Variants in CKM observed in about 807,000 individuals in gnomAD.
CKM encodes the protein creatine kinase M-type.
A neutral mutation model predicts 35.4 loss-of-function variants in CKM; 28 were observed. That is an observed-to-expected ratio of 0.79 (90% CI 0.59 to 1.08). The LOEUF (loss-of-function observed/expected upper bound fraction) is 1.08, where lower values mean the gene tolerates loss of function less well. CKM is among the 50% of genes least tolerant of loss of function. The probability of loss-of-function intolerance (pLI) is 0.00; values close to 1 mark genes in which losing one functional copy is unlikely to be tolerated. For missense variants in CKM, 484 were observed against 509.8 expected, an observed-to-expected ratio of 0.95 and a Z score of 0.49; for synonymous variants, 215 against 204.4, an observed-to-expected ratio of 1.05 and a Z score of -0.44.
At position 45,317,173 on chromosome 19, in the gene CKM, T is replaced by C. The variant is rs553898341; in HGVS notation, c.348+652A>G. Among the ~76,000 whole-genome samples, 3 of 152,240 alleles carry C rather than the reference T, an allele frequency of 2.0e-5. No homozygotes were observed. In the South Asian group the frequency reaches 6.2e-4, roughly 32 times the overall value. ...CCCAGGCTGGAGTGCAGTGGCATGA[T>C]CTCAGCTCACTGCAGCCTCCATCTC... On this transcript the variant is annotated intron_variant, in intron 3 of 7. Coordinates refer to ENST00000221476, the MANE Select transcript of CKM (RefSeq NM_001824.5).
Position 45,307,866 on chromosome 19 carries a change from G to GTT in CKM, c.778-218_778-217dup, listed in dbSNP as rs34729831. On this transcript the variant is annotated intron_variant, in intron 6 of 7. Coordinates refer to ENST00000221476, the MANE Select transcript of CKM (RefSeq NM_001824.5). ...GGGACTAAGAACGCTTTGAAGGCGG[G>GTT]TTTTTTTTTTTTTTTTTTCCAGAGT... Among the ~76,000 whole-genome samples, 198 of 124,168 alleles carry GTT rather than the reference G, an allele frequency of 1.6e-3. 3 individuals carry two copies. The highest frequency in any genetic ancestry group is 7.2e-3 in the South Asian group (27 of 3,730). 81.5% of individuals were successfully genotyped at this position (124,168 alleles called of 152,430 possible).
At chr19:45,312,387 G>GA (rs111877783) in intron 4 of CKM, among the ~76,000 whole-genome samples, 12,181 of 152,082 alleles carry the variant, frequency 0.08, 607 homozygotes, top group African/African-American at 0.13. Context: ...CCAGGAGTTC[G>GA]AGTCCAGTCT....
At chr19:45,321,078 A>G (rs1488907324) in intron 1 of CKM, among the ~76,000 whole-genome samples, 3 of 131,884 alleles carry the variant, frequency 2.3e-5, no homozygotes, top group African/African-American at 8.3e-5. Context: ...TTTTTTTGGT[A>G]TTTTTAGTAG....
At chr19:45,316,543 C>T (rs1326791640) in intron 3 of CKM, among the ~76,000 whole-genome samples, 1 of 151,554 alleles carries the variant, frequency 6.6e-6, no homozygotes, top group Non-Finnish European at 1.5e-5. Flanking sequence ...CGTGAACTCT[C>T]CTGGCTTCAC....
intron 6 of CKM, 23 bp downstream of exon 6, chr19:45,308,385 CA>C (rs1330311256): frequency 6.2e-7 from 1 of 1,614,036 alleles, no homozygotes; most frequent in Admixed American, 1.7e-5. Context: ...AGTCAGAAGT[CA>C]GCAGCTAAGG....
Position 45,317,917 on chromosome 19 carries a change from T to A in CKM, c.256A>T (p.Lys86Ter), listed in dbSNP as rs766274732. 15 of 1,613,594 alleles carry A rather than the reference T, an allele frequency of 9.3e-6. No homozygotes were observed. In the Admixed American group the frequency reaches 2.0e-4, roughly 22 times the overall value. The change falls in exon 3 of 8, where the codon AAG (lysine) becomes TAG (stop). Residue 86 changes from lysine (K) to a stop codon, truncating the protein, a stop_gained. Coordinates refer to ENST00000221476, the MANE Select transcript of CKM (RefSeq NM_001824.5). LOFTEE classifies it high-confidence loss of function. ...AGDEESYEVF[K>*]ELFDPIISDR... ...GAGATGATGGGGTCAAAGAGTTCCTTGAAAACTTCGTAGGACTCCTCATCA... is the reference window on the plus strand; with the variant it reads ...GAGATGATGGGGTCAAAGAGTTCCTAGAAAACTTCGTAGGACTCCTCATCA...
Position 45,306,675 on chromosome 19 carries a change from G to A in CKM, c.*75C>T, listed in dbSNP as rs1392763313. 5 of 1,507,858 alleles carry A rather than the reference G, an allele frequency of 3.3e-6. No homozygotes were observed. Among genetic ancestry groups the A allele is most frequent in the Non-Finnish European group, 4.6e-6 (5 of 1,088,698 alleles). 93.4% of individuals were successfully genotyped at this position (1,507,858 alleles called of 1,614,324 possible). On this transcript the variant is annotated 3_prime_UTR_variant, in exon 8 of 8. Coordinates refer to ENST00000221476, the MANE Select transcript of CKM (RefSeq NM_001824.5). This position sits in a 1 kb window ranked among gnomAD's most constrained non-coding sequence, Gnocchi z 4.5. ...TGGGACAGGGGGCGGGGCGAGGAGT[G>A]AGGGAGCAGGACTCTGGTGGGCCAG... is the stretch of plus-strand genomic sequence containing the variant.
intron 1 of CKM, 133 bp from the exon 2 acceptor site, chr19:45,319,864 C>A (rs193243693): frequency 4.4e-6 from 3 of 681,172 alleles, no homozygotes; most frequent in Non-Finnish European, 7.5e-6. Flanking sequence ...GATCTCGGCT[C>A]ACTGCAAGCT....
chr19:45,317,688 CCT>C, intron 3 of CKM, 135 bp downstream of exon 3: 1 of 987,210 alleles, frequency 1.0e-6, no homozygotes, highest in Non-Finnish European at 1.6e-6. Flanking sequence ...TCCCAATGTC[CCT>C]CTCTCTTTCC....
At chr19:45,320,604 C>T (rs1166747535) in intron 1 of CKM, among the ~76,000 whole-genome samples, 3 of 152,180 alleles carry the variant, frequency 2.0e-5, no homozygotes, top group Admixed American at 6.5e-5. Flanking sequence ...CTCAATTTCC[C>T]CAGGTGGAAA....
intron 4 of CKM, among the ~76,000 whole-genome samples, chr19:45,312,476 G>A (rs1315136576): frequency 1.3e-5 from 2 of 151,318 alleles, no homozygotes; most frequent in Non-Finnish European, 2.9e-5. Flanking sequence ...AGGCTGGAGC[G>A]CAATGGCGCG....
rs761502043 is a variant in CKM at position 45,319,642 on chromosome 19, G to C, written c.72C>G (p.Ser24Arg). ...YKPEEEYPDL[S>R]KHNNHMAKVL... The stretch of plus-strand genomic sequence containing the variant: ...CCTTGGCCATGTGGTTGTTATGTTT[G>C]CTGAGGTCGGGGTACTCCTCCTCAG... The change falls in exon 2 of 8, where the codon AGC becomes AGG. Residue 24 changes from serine to arginine, a missense_variant. Physicochemically the swap from Ser to Arg is moderately radical, Grantham distance 110 (BLOSUM62 -1). Transcript: ENST00000221476. 12 of 1,614,160 alleles carry C rather than the reference G, an allele frequency of 7.4e-6. No homozygotes were observed. The highest frequency in any genetic ancestry group is 1.0e-5 in the Non-Finnish European group (12 of 1,180,022).
At chr19:45,319,426 G>GCC (rs34906823) in intron 2 of CKM, 95 bp downstream of exon 2, 4,294 of 809,924 alleles carry the variant, frequency 5.3e-3, no homozygotes, top group Middle Eastern at 9.1e-3. Context: ...GAAAACTGAG[G>GCC]CCCCCCCCCC....
chr19:45,319,427 C>T, intron 2 of CKM, 94 bp downstream of exon 2: 2 of 740,490 alleles, frequency 2.7e-6, no homozygotes, highest in African/African-American at 2.2e-5. Flanking sequence ...AAAACTGAGG[C>T]CCCCCCCCCT....
At chr19:45,319,951 G>A (rs1312175245) in intron 1 of CKM, among the ~76,000 whole-genome samples, 3 of 148,760 alleles carry the variant, frequency 2.0e-5, no homozygotes, top group South Asian at 2.2e-4. Context: ...CCACCACGCC[G>A]GCTCATTTTT....
At chr19:45,316,379 G>C (rs1056113385) in intron 3 of CKM, among the ~76,000 whole-genome samples, 8 of 149,600 alleles carry the variant, frequency 5.3e-5, no homozygotes, top group African/African-American at 1.5e-4. Flanking sequence ...GCCCAGGCTG[G>C]TCTCAAACTC....
Position 45,308,389 on chromosome 19 carries a change from A to C in CKM, c.777+20T>G. Reference sequence around the variant, plus strand: ...GTTCAAGGTGGAGTCAGAAGTCAGCAGCTAAGGGCAGACACCCACCTTCTG... The same window carrying C: ...GTTCAAGGTGGAGTCAGAAGTCAGCCGCTAAGGGCAGACACCCACCTTCTG... On this transcript the variant is annotated intron_variant, in intron 6 of 7. Transcript: ENST00000221476. The C allele has an allele frequency of 1.9e-6, 3 of 1,614,048 alleles. No homozygotes were observed. Among genetic ancestry groups the C allele is most frequent in the Non-Finnish European group, 2.5e-6 (3 of 1,179,952 alleles).
intron 5 of CKM, among the ~76,000 whole-genome samples, chr19:45,310,754 C>T (rs1316697546): frequency 7.0e-6 from 1 of 143,302 alleles, no homozygotes; most frequent in African/African-American, 2.6e-5. Flanking sequence ...CGCCATCACG[C>T]CTGGCTTTTT....
rs112524409 is a variant in CKM, at chr19:45,312,509, G to A, written c.482-589C>T. On this transcript the variant is annotated intron_variant, in intron 4 of 7. Transcript: ENST00000221476. Reference sequence around the variant, plus strand: ...GCGATCTTGGCTCACTGCCACCTCCGTCTCCCGGGTTCAAGCGAATCTCTT... The same window carrying A: ...GCGATCTTGGCTCACTGCCACCTCCATCTCCCGGGTTCAAGCGAATCTCTT... 2.6e-3 allele frequency among the ~76,000 whole-genome samples: 399 copies of A among 151,452 alleles called. 2 individuals are homozygous for A. The highest frequency in any genetic ancestry group is 9.1e-3 in the African/African-American group (374 of 41,250).
Sources: allele counts gnomAD v4.1 joint callset (sites outside exome capture counted in the v4.1 genomes callset), GRCh38; gene constraint gnomAD v4.1.1; non-coding constraint Gnocchi (gnomAD v3.1); transcripts MANE v1.5; gene names NCBI Gene and HGNC (gene_info 2026-07-23, HGNC 2026-07-21).